OR8G1: variants seen among roughly 807,000 people sequenced by gnomAD.
The protein encoded by OR8G1 is olfactory receptor 8G1.
For missense variants in OR8G1, 372 were observed against 356.2 expected (o/e 1.04, Z -0.36); for synonymous variants, 129 against 133.3 (o/e 0.97, Z 0.22).
intron 1 of OR8G1, among the ~76,000 whole-genome samples, chr11:124,245,097 C>T (rs1197746064): frequency 1.3e-5 from 2 of 151,518 alleles, no homozygotes; most frequent in Admixed American, 6.6e-5. Context: ...ATGTGCCATG[C>T]TGGTGTGCTG....
intron 1 of OR8G1, among the ~76,000 whole-genome samples, chr11:124,247,180 T>G (rs1861820161): frequency 6.6e-6 from 1 of 151,622 alleles, no homozygotes; most frequent in Admixed American, 6.6e-5. Context: ...TAGAAACAAC[T>G]AAAGTAGAAA....
intron 1 of OR8G1, among the ~76,000 whole-genome samples, chr11:124,244,358 C>G (rs1235594587): frequency 6.6e-6 from 1 of 151,832 alleles, no homozygotes; most frequent in East Asian, 1.9e-4. Flanking sequence ...TATGATCTCC[C>G]TAGGTGACTC....
At chr11:124,247,307 G>T (rs1861820926) in intron 1 of OR8G1, among the ~76,000 whole-genome samples, 2 of 151,630 alleles carry the variant, frequency 1.3e-5, no homozygotes, top group Admixed American at 1.3e-4. Context: ...ATAAATTACT[G>T]ATTTTAGGAA....
chr11:124,244,329 C>G (rs1861791364), intron 1 of OR8G1, among the ~76,000 whole-genome samples: 1 of 151,886 alleles, frequency 6.6e-6, no homozygotes, highest in Non-Finnish European at 1.5e-5. Context: ...TTTTTACATT[C>G]ATCAATTTTT....
At chr11:124,249,597 A>G (rs1591392466) in intron 2 of OR8G1, 63 bp from the exon 3 acceptor site, 1 of 1,458,424 alleles carries the variant, frequency 6.9e-7, no homozygotes. Context: ...TTCTCAATGA[A>G]GAATAATAAA....
Position 124,241,191 on chromosome 11 carries a change from G to T in OR8G1, c.-270G>T, listed in dbSNP as rs1216008120. On this transcript the variant is annotated 5_prime_UTR_variant, in exon 1 of 3. The change creates a new upstream start codon in the 5' untranslated region. Transcript: ENST00000641972. ...AGCTTCAAAGTGACTCTGAGACTGA[G>T]GGCTGGGCCCTGCCCTCTCAACACT... The T allele has an allele frequency of 6.6e-6, 1 of 152,068 alleles. No individual in the cohort carries two copies. The highest frequency in any genetic ancestry group is 2.4e-5 in the African/African-American group (1 of 41,414). The allele number at this position is 152,068 out of a possible 1,614,324, so 9.4% of individuals were successfully genotyped here. A position where few individuals can be genotyped will look rare whatever the true frequency, so the allele number is the denominator to read the frequency against.
Position 124,250,306 on chromosome 11 carries a change from AGCC to A in OR8G1, c.632_634del (p.Ser211_Leu212delinsMet), listed in dbSNP as rs1462867919. 6.2e-6 allele frequency: 10 copies of A among 1,613,796 alleles called. No individual in the cohort carries two copies. Among genetic ancestry groups the A allele is most frequent in the Non-Finnish European group, 8.5e-6 (10 of 1,179,828 alleles). On this transcript the variant is annotated inframe_deletion, in exon 3 of 3. Transcript: ENST00000641972. ...TGGTGCATTTAACATCCTTGTCCCC[AGCC>A]TGACCATCCTTTGCTCTTACATCTT...
chr11:124,243,093 A>C (rs1303599999), intron 1 of OR8G1, among the ~76,000 whole-genome samples: 1 of 152,018 alleles, frequency 6.6e-6, no homozygotes, highest in Non-Finnish European at 1.5e-5. Flanking sequence ...CAAAAACGTA[A>C]ATGACTAAAA....
At chr11:124,244,744 C>T (rs186400002) in intron 1 of OR8G1, among the ~76,000 whole-genome samples, 3 of 151,998 alleles carry the variant, frequency 2.0e-5, no homozygotes, top group African/African-American at 7.2e-5. Context: ...TACAATATAA[C>T]ATATTGAGAT....
At chr11:124,249,374 TAGTG>T (rs1364877937) in intron 2 of OR8G1, among the ~76,000 whole-genome samples, 3 of 152,060 alleles carry the variant, frequency 2.0e-5, no homozygotes, top group African/African-American at 7.2e-5. Flanking sequence ...ATATTTAAGT[TAGTG>T]AGTCTAAACT....
intron 1 of OR8G1, among the ~76,000 whole-genome samples, chr11:124,243,356 C>A (rs1302082332): frequency 6.6e-6 from 1 of 151,784 alleles, no homozygotes; most frequent in Non-Finnish European, 1.5e-5. Flanking sequence ...TCATATTGAT[C>A]CTATAGTGAT....
At position 124,250,328 on chromosome 11, in the gene OR8G1, A is replaced by C; in HGVS notation, c.653A>C (p.Tyr218Ser). 6.2e-7 allele frequency: 1 copy of C among 1,613,688 alleles called. No individual in the cohort carries two copies. Among genetic ancestry groups the C allele is most frequent in the Non-Finnish European group, 8.5e-7 (1 of 1,179,794 alleles). The change falls in exon 3 of 3, where the codon TAC becomes TCC. Residue 218 changes from tyrosine to serine, a missense_variant. Physicochemically the swap from Tyr to Ser is moderately radical, Grantham distance 144. Coordinates refer to ENST00000641972, the MANE Select transcript of OR8G1 (RefSeq NM_001002905.2). Reference protein sequence around the residue: ...LVPSLTILCSYIFIIASILHI... With the variant: ...LVPSLTILCSSIFIIASILHI... Reference sequence around the variant, plus strand: ...CCCAGCCTGACCATCCTTTGCTCTTACATCTTTATTATTGCCAGCATCCTC... The same window carrying C: ...CCCAGCCTGACCATCCTTTGCTCTTCCATCTTTATTATTGCCAGCATCCTC...
chr11:124,249,260 C>G (rs989764818), intron 2 of OR8G1, among the ~76,000 whole-genome samples: 1 of 152,028 alleles, frequency 6.6e-6, no homozygotes, highest in Non-Finnish European at 1.5e-5. Flanking sequence ...TCTGTTCACC[C>G]CTCCCAGAAA....
chr11:124,248,308 A>G (rs1055835814), intron 2 of OR8G1, among the ~76,000 whole-genome samples: 6 of 151,952 alleles, frequency 3.9e-5, no homozygotes, highest in African/African-American at 1.2e-4. Flanking sequence ...TCTTAATACT[A>G]TCTTTTGAAG....
rs1861861055 is a variant in OR8G1 at position 124,250,499 on chromosome 11, C to T, written c.824C>T (p.Ser275Phe). Residue 275 changes from serine (S) to phenylalanine (F), a missense_variant, in exon 3 of 3, where the codon TCT becomes TTT. Coordinates refer to ENST00000641972, the MANE Select transcript of OR8G1 (RefSeq NM_001002905.2). ...TCCATGGACCAGGGGAAAGTATCCT[C>T]TGTGTTTTATACTATTATTGTGCCC... ...ISSMDQGKVS[S>F]VFYTIIVPML... The T allele has an allele frequency of 2.5e-6, 4 of 1,613,606 alleles. No homozygotes were observed. Among genetic ancestry groups the T allele is most frequent in the Non-Finnish European group, 2.5e-6 (3 of 1,179,708 alleles).
At chr11:124,249,134 A>G (rs1038638983) in intron 2 of OR8G1, among the ~76,000 whole-genome samples, 2 of 152,126 alleles carry the variant, frequency 1.3e-5, no homozygotes, top group East Asian at 3.8e-4. Flanking sequence ...AATTTATACA[A>G]TTATTGTTAT....
At chr11:124,247,601 T>G (rs1565315863) in intron 1 of OR8G1, among the ~76,000 whole-genome samples, 200 bp from the exon 2 acceptor site, 1 of 151,872 alleles carries the variant, frequency 6.6e-6, no homozygotes, top group Non-Finnish European at 1.5e-5. Context: ...GGGCAATCTA[T>G]TCCAAAAAAT....
Position 124,250,059 on chromosome 11 carries a change from C to G in OR8G1, c.384C>G (p.Ser128Arg), listed in dbSNP as rs1861850897. ...MAYDRYMAIC[S>R]PLLYSVIISN... ...ATGACCGTTACATGGCCATCTGTAG[C>G]CCCTTGCTGTACAGTGTCATCATAT... The change falls in exon 3 of 3, where the codon AGC becomes AGG. Residue 128 changes from serine to arginine, a missense_variant. Ser to Arg is a moderately radical substitution (Grantham distance 110, BLOSUM62 -1). Coordinates refer to ENST00000641972, the MANE Select transcript of OR8G1 (RefSeq NM_001002905.2). 6.2e-7 allele frequency: 1 copy of G among 1,613,816 alleles called. No individual in the cohort carries two copies. The highest frequency in any genetic ancestry group is 1.3e-5 in the African/African-American group (1 of 75,010).
intron 1 of OR8G1, among the ~76,000 whole-genome samples, chr11:124,243,272 C>G (rs1861777229): frequency 6.6e-6 from 1 of 151,630 alleles, no homozygotes; most frequent in South Asian, 2.1e-4. Context: ...AGACCAGGAG[C>G]CCTATATTTT....
Sources: allele counts gnomAD v4.1 joint callset (sites outside exome capture counted in the v4.1 genomes callset), GRCh38; gene constraint gnomAD v4.1.1; transcripts MANE v1.5; gene names NCBI Gene and HGNC (gene_info 2026-07-23, HGNC 2026-07-21).